The following DOCK10 variants were observed in gnomAD, a reference collection of about 807,000 sequenced individuals.
DOCK10 encodes dedicator of cytokinesis 10.
In DOCK10, 145 loss-of-function variants were observed where a neutral mutation model predicts 280.1. The ratio of observed to expected loss-of-function variants is 0.52; its 90% CI spans 0.45 to 0.59. The LOEUF is 0.59. DOCK10 is among the 20% of genes least tolerant of loss of function. The probability of loss-of-function intolerance (pLI) is 0.00; values close to 1 mark genes in which losing one functional copy is unlikely to be tolerated. For missense variants in DOCK10, 2,368 were observed against 2,651.7 expected (o/e 0.89, Z 2.35); for synonymous variants, 915 against 942.2 (o/e 0.97, Z 0.53).
intron 1 of DOCK10, among the ~76,000 whole-genome samples, chr2:225,015,722 A>G (rs1178973078): frequency 1.3e-5 from 2 of 152,170 alleles, no homozygotes; most frequent in African/African-American, 4.8e-5. Flanking sequence ...GTCTGCTTCT[A>G]GACGCGCTAT....
At chr2:224,883,363 T>G (rs1158988666) in intron 7 of DOCK10, among the ~76,000 whole-genome samples, 1 of 142,208 alleles carries the variant, frequency 7.0e-6, no homozygotes, top group Non-Finnish European at 1.5e-5. Flanking sequence ...AATGAATCAG[T>G]AGGTTAATGA....
chr2:224,873,659 T>C (rs531777895), intron 11 of DOCK10, among the ~76,000 whole-genome samples: 3 of 137,748 alleles, frequency 2.2e-5, no homozygotes, highest in Admixed American at 7.2e-5. Flanking sequence ...CACAATGCCA[T>C]AGGAAACTCT....
At chr2:224,923,510 C>T (rs1052989491) in intron 2 of DOCK10, among the ~76,000 whole-genome samples, 19 of 152,230 alleles carry the variant, frequency 1.2e-4, no homozygotes, top group African/African-American at 3.9e-4. Flanking sequence ...GGACCTCCCC[C>T]TGGCAAAGAC....
intron 1 of DOCK10, among the ~76,000 whole-genome samples, chr2:224,962,359 G>T (rs1007358094): frequency 6.6e-6 from 1 of 152,178 alleles, no homozygotes; most frequent in African/African-American, 2.4e-5. Context: ...TGGTTGTATA[G>T]TAAGCACTAA....
intron 39 of DOCK10, among the ~76,000 whole-genome samples, chr2:224,803,511 G>A (rs1384749630): frequency 1.3e-5 from 2 of 152,006 alleles, no homozygotes; most frequent in African/African-American, 2.4e-5. Context: ...GAGGAGCTCC[G>A]AGGTAGAATT....
chr2:224,884,979 G>A (rs770995906), intron 7 of DOCK10, among the ~76,000 whole-genome samples: 20 of 151,940 alleles, frequency 1.3e-4, no homozygotes, highest in Non-Finnish European at 2.2e-4. Flanking sequence ...TGAACTTGCT[G>A]CCTTTGCTTA....
chr2:224,942,379 T>C (rs1703143690), intron 1 of DOCK10, among the ~76,000 whole-genome samples: 1 of 152,260 alleles, frequency 6.6e-6, no homozygotes, highest in African/African-American at 2.4e-5. Flanking sequence ...CCTGCTTCTT[T>C]GCATTCTTCA....
At chr2:224,958,931 T>A (rs1339986386) in intron 1 of DOCK10, among the ~76,000 whole-genome samples, 1 of 152,240 alleles carries the variant, frequency 6.6e-6, no homozygotes, top group Non-Finnish European at 1.5e-5. Flanking sequence ...TAAAGTACAC[T>A]GACAAAGAGA....
chr2:224,788,288 T>C (rs2125085908), intron 48 of DOCK10, among the ~76,000 whole-genome samples: 1 of 152,290 alleles, frequency 6.6e-6, no homozygotes, highest in African/African-American at 2.4e-5. Flanking sequence ...TACTAGTGGT[T>C]TAATAAATTT....
At position 224,808,021 on chromosome 2, in the gene DOCK10, G is replaced by A. The variant is rs1183418379; in HGVS notation, c.3475C>T (p.Arg1159Ter). The A allele has an allele frequency of 3.1e-6, 5 of 1,612,538 alleles. No homozygotes were observed. The highest frequency in any genetic ancestry group is 4.2e-6 in the Non-Finnish European group (5 of 1,179,282). Residue 1159 changes from arginine to a stop codon, truncating the protein, a stop_gained, in exon 32 of 56, where the codon CGA becomes TGA. Coordinates refer to ENST00000258390, the MANE Select transcript of DOCK10 (RefSeq NM_014689.3). LOFTEE classifies it high-confidence loss of function. ...RKHFLIGILL[R>*]EVGFALQEDQ... ...TCCTGCAGGGCAAAGCCAACTTCTCGGAGCAGAATTCCGATTAAGAAGTGT... is the reference window on the plus strand; with the variant it reads ...TCCTGCAGGGCAAAGCCAACTTCTCAGAGCAGAATTCCGATTAAGAAGTGT...
At chr2:224,947,961 A>G (rs1177254968) in intron 1 of DOCK10, among the ~76,000 whole-genome samples, 1 of 152,242 alleles carries the variant, frequency 6.6e-6, no homozygotes, top group East Asian at 1.9e-4. Context: ...TATTATGCTT[A>G]ACAATGAACC....
Position 224,773,246 on chromosome 2 carries a change from T to G in DOCK10, c.6115A>C (p.Lys2039Gln). The change falls in exon 53 of 56, where the codon AAG (lysine) becomes CAG (glutamine). Residue 2039 changes from lysine to glutamine, a missense_variant. Coordinates refer to ENST00000258390, the MANE Select transcript of DOCK10 (RefSeq NM_014689.3). ...CAAAGCTGATTAAGCTCAGAAACCT[T>G]CTTGGACATCTCGTCAATTGCCACT... Reference protein sequence around the residue: ...IEVAIDEMSKKVSELNQLCTM... With the variant: ...IEVAIDEMSKQVSELNQLCTM... 6.2e-7 allele frequency: 1 copy of G among 1,613,992 alleles called. No individual in the cohort carries two copies. Among genetic ancestry groups the G allele is most frequent in the South Asian group, 1.1e-5 (1 of 91,088 alleles).
chr2:224,786,793 A>G lies in DOCK10; in HGVS notation c.5655+229T>C, dbSNP rs1217998900. 3.3e-5 allele frequency among the ~76,000 whole-genome samples: 5 copies of G among 151,878 alleles called. No individual in the cohort carries two copies. The highest frequency in any genetic ancestry group is 7.3e-5 in the Non-Finnish European group (5 of 68,048). On this transcript the variant is annotated intron_variant, in intron 50 of 55. Coordinates refer to ENST00000258390, the MANE Select transcript of DOCK10 (RefSeq NM_014689.3). The surrounding 1 kb of genome is among the most constrained non-coding windows in gnomAD (Gnocchi z 4.7). The stretch of plus-strand genomic sequence containing the variant: ...ATGCCCTCTTTCTTCAAGAAGTTAG[A>G]AATCACTGTTAACTCAACCCATGGA...
chr2:224,939,585 C>T (rs1702891438), intron 1 of DOCK10, among the ~76,000 whole-genome samples: 1 of 152,152 alleles, frequency 6.6e-6, no homozygotes, highest in Admixed American at 6.5e-5. Flanking sequence ...ATTAAAAATA[C>T]ATCACAACCC....
chr2:224,819,772 T>C (rs368437064), intron 28 of DOCK10, among the ~76,000 whole-genome samples: 161 of 152,094 alleles, frequency 1.1e-3, no homozygotes, highest in African/African-American at 3.8e-3. Flanking sequence ...AATAGGTACA[T>C]TTAAAAATTC....
chr2:224,767,828 G>A (rs1690161056), intron 55 of DOCK10, among the ~76,000 whole-genome samples: 1 of 152,092 alleles, frequency 6.6e-6, no homozygotes, highest in East Asian at 1.9e-4. Flanking sequence ...GCAGACAGCA[G>A]CCAAATCTGG....
chr2:224,851,257 G>A (rs1454662149), intron 18 of DOCK10, among the ~76,000 whole-genome samples: 1 of 152,096 alleles, frequency 6.6e-6, no homozygotes, highest in African/African-American at 2.4e-5. Context: ...AGCAAGGGAC[G>A]CACATGTGAT....
At chr2:225,006,496 G>C (rs1689256313) in intron 1 of DOCK10, among the ~76,000 whole-genome samples, 1 of 152,160 alleles carries the variant, frequency 6.6e-6, no homozygotes, top group Non-Finnish European at 1.5e-5. Context: ...TGCACTTAGA[G>C]TTCCTCTCAA....
At chr2:224,839,049 G>A (rs1181082264) in intron 24 of DOCK10, among the ~76,000 whole-genome samples, 3 of 151,526 alleles carry the variant, frequency 2.0e-5, no homozygotes, top group Non-Finnish European at 4.4e-5. Flanking sequence ...GAAGACTTAT[G>A]TTTACACAAA....
Sources: allele counts gnomAD v4.1 joint callset (sites outside exome capture counted in the v4.1 genomes callset), GRCh38; gene constraint gnomAD v4.1.1; non-coding constraint Gnocchi (gnomAD v3.1); transcripts MANE v1.5; gene names NCBI Gene and HGNC (gene_info 2026-07-23, HGNC 2026-07-21).